SOX5: variants seen among roughly 807,000 people sequenced by gnomAD.
The protein encoded by SOX5 is SRY-box transcription factor 5, also known as transcription factor SOX-5.
SOX5 carries 9 observed loss-of-function variants against 92.0 expected under a neutral mutation model. The observed-to-expected ratio is 0.10, with a 90% confidence interval of 0.06 to 0.17. The LOEUF (loss-of-function observed/expected upper bound fraction) is 0.17, where lower values mean the gene tolerates loss of function less well. SOX5 is among the 10% of genes least tolerant of loss of function. The pLI is 1.00. For missense variants in SOX5, 642 were observed against 944.5 expected (o/e 0.68, Z 4.20); for synonymous variants, 344 against 336.3 (o/e 1.02, Z -0.25).
intron 4 of SOX5, among the ~76,000 whole-genome samples, chr12:24,113,158 A>T (rs1166004625): frequency 6.6e-6 from 1 of 150,522 alleles, no homozygotes; most frequent in Non-Finnish European, 1.5e-5. Context: ...TTAATATATA[A>T]TAAAATTATA....
chr12:23,693,485 T>C (rs374494544), intron 6 of SOX5, among the ~76,000 whole-genome samples: 2 of 152,210 alleles, frequency 1.3e-5, no homozygotes, highest in East Asian at 3.8e-4. Context: ...TTACATCAAG[T>C]ACTTACATAT....
At chr12:24,499,279 G>A (rs1947948370) in intron 1 of SOX5, among the ~76,000 whole-genome samples, 1 of 152,208 alleles carries the variant, frequency 6.6e-6, no homozygotes, top group Non-Finnish European at 1.5e-5. Flanking sequence ...GCACACAGGA[G>A]ATATGAAATA....
chr12:23,772,485 T>C (rs1376542173), intron 3 of SOX5, among the ~76,000 whole-genome samples: 3 of 152,216 alleles, frequency 2.0e-5, no homozygotes, highest in Non-Finnish European at 4.4e-5. Flanking sequence ...GTATGTCTTT[T>C]GTTTATCTGT....
At chr12:24,062,510 T>C (rs1011992068) in intron 4 of SOX5, among the ~76,000 whole-genome samples, 5 of 152,182 alleles carry the variant, frequency 3.3e-5, no homozygotes, top group African/African-American at 9.7e-5. Context: ...TGTCTTAAGC[T>C]CAAGCCAACT....
chr12:23,800,496 G>A (rs1594571680), intron 3 of SOX5, among the ~76,000 whole-genome samples: 1 of 151,770 alleles, frequency 6.6e-6, no homozygotes, highest in Admixed American at 6.6e-5. Flanking sequence ...AGTGAGAGAC[G>A]GTAATATTTC....
intron 6 of SOX5, among the ~76,000 whole-genome samples, chr12:23,710,192 A>T (rs1042882481): frequency 6.6e-6 from 1 of 152,152 alleles, no homozygotes; most frequent in Non-Finnish European, 1.5e-5. Context: ...ACAGCTTGTT[A>T]TATGTGGTAC....
chr12:24,518,824 T>G (rs1950019354), intron 1 of SOX5, among the ~76,000 whole-genome samples: 1 of 152,232 alleles, frequency 6.6e-6, no homozygotes, highest in South Asian at 2.1e-4. Flanking sequence ...CTTTTACACC[T>G]GTAGGCTTTA....
intron 3 of SOX5, among the ~76,000 whole-genome samples, chr12:23,770,033 T>C (rs866584895): frequency 3.8e-4 from 56 of 148,340 alleles, no homozygotes; most frequent in Admixed American, 2.3e-3. Context: ...ATATTTCAAG[T>C]TAAATGCTCC....
At chr12:24,433,018 T>A (rs1036485315) in intron 1 of SOX5, among the ~76,000 whole-genome samples, 3 of 152,218 alleles carry the variant, frequency 2.0e-5, no homozygotes, top group Non-Finnish European at 4.4e-5. Flanking sequence ...TCTACAGTGA[T>A]AATGTATTTT....
At chr12:23,908,728 A>G (rs138572606) in intron 1 of SOX5, among the ~76,000 whole-genome samples, 7 of 152,026 alleles carry the variant, frequency 4.6e-5, no homozygotes, top group African/African-American at 1.4e-4. Context: ...AGTGCCAAAG[A>G]CGATGAGCAT....
chr12:24,404,156 C>T (rs1439360514), intron 1 of SOX5, among the ~76,000 whole-genome samples: 1 of 152,110 alleles, frequency 6.6e-6, no homozygotes, highest in African/African-American at 2.4e-5. Context: ...CCTGCAGGAA[C>T]TTTATAGCTA....
At chr12:23,703,405 C>T (rs895344123) in intron 6 of SOX5, among the ~76,000 whole-genome samples, 1 of 151,940 alleles carries the variant, frequency 6.6e-6, no homozygotes, top group Non-Finnish European at 1.5e-5. Flanking sequence ...AAGAACAATA[C>T]TTTCTTGGAA....
At chr12:24,281,480 G>A (rs1025812051) in intron 2 of SOX5, among the ~76,000 whole-genome samples, 1 of 152,116 alleles carries the variant, frequency 6.6e-6, no homozygotes, top group African/African-American at 2.4e-5. Context: ...ATTTTCTACG[G>A]CTGGGCCGCC....
chr12:23,978,006 C>G (rs1213591480), intron 4 of SOX5, among the ~76,000 whole-genome samples: 1 of 152,194 alleles, frequency 6.6e-6, no homozygotes, highest in Non-Finnish European at 1.5e-5. Flanking sequence ...AAGTTTGGGA[C>G]AGCTTGCACA....
At chr12:23,660,442 T>C (rs1298523621) in intron 7 of SOX5, among the ~76,000 whole-genome samples, 1 of 152,214 alleles carries the variant, frequency 6.6e-6, no homozygotes, top group African/African-American at 2.4e-5. Flanking sequence ...AGGTAAAATC[T>C]GATCCCAAGT....
chr12:23,608,007 C>T (rs1404591114), intron 8 of SOX5, among the ~76,000 whole-genome samples: 2 of 150,704 alleles, frequency 1.3e-5, no homozygotes, highest in African/African-American at 4.9e-5. Context: ...TGGTGGCTCA[C>T]ACCTGTAACC....
Position 23,740,851 on chromosome 12 carries a change from G to C in SOX5, c.741+16C>G. On this transcript the variant is annotated intron_variant, in intron 5 of 14. Transcript: ENST00000451604. ...AATGTCTGAGGAATATGACTGCATC[G>C]CTAGTTCTTACTCACTTGTTCTTGT... The C allele has an allele frequency of 6.3e-7, 1 of 1,599,510 alleles. No individual in the cohort carries two copies. The highest frequency in any genetic ancestry group is 8.5e-7 in the Non-Finnish European group (1 of 1,169,914).
In SOX5 at chr12:24,317,711, T is replaced by C. The variant is rs547940360; in HGVS notation, c.-173-40399A>G. Among the ~76,000 whole-genome samples, 3 of 152,332 alleles carry C rather than the reference T, an allele frequency of 2.0e-5. No individual in the cohort carries two copies. The East Asian group carries it at 5.8e-4, about 29-fold the overall frequency. ...GCTCCACCTTCACTCCACCAAGTCATTCAGGCCGTTACACCTTCGTTTCCC... is the reference window on the plus strand; with the variant it reads ...GCTCCACCTTCACTCCACCAAGTCACTCAGGCCGTTACACCTTCGTTTCCC... On this transcript the variant is annotated intron_variant, in intron 2 of 4. Transcript: ENST00000446891.
intron 1 of SOX5, among the ~76,000 whole-genome samples, chr12:24,429,996 G>A (rs1047106284): frequency 2.0e-5 from 3 of 152,008 alleles, no homozygotes; most frequent in Non-Finnish European, 4.4e-5. Context: ...TATTCCAAAA[G>A]GCAAATCTAT....
Sources: allele counts gnomAD v4.1 joint callset (sites outside exome capture counted in the v4.1 genomes callset), GRCh38; gene constraint gnomAD v4.1.1; transcripts MANE v1.5; gene names NCBI Gene and HGNC (gene_info 2026-07-23, HGNC 2026-07-21).